ICE2: variants seen among roughly 807,000 people sequenced by gnomAD.
ICE2 encodes little elongation complex subunit 2.
Under a neutral mutation model 105.4 loss-of-function variants are expected in ICE2, and 87 were observed. The ratio of observed to expected loss-of-function variants is 0.83; its 90% CI spans 0.69 to 0.99. ICE2 has a LOEUF of 0.99. ICE2 is among the 50% of genes least tolerant of loss of function. The pLI, the probability that ICE2 is intolerant of heterozygous loss-of-function variation, is 0.00. For missense variants in ICE2, 1,323 were observed against 1,146.7 expected (o/e 1.15, Z -2.22); for synonymous variants, 399 against 392.0 (o/e 1.02, Z -0.21).
intron 13 of ICE2, among the ~76,000 whole-genome samples, chr15:60,434,506 GAAT>G (rs2063536496): frequency 7.0e-6 from 1 of 142,162 alleles, no homozygotes; most frequent in African/African-American, 2.7e-5. Flanking sequence ...ATGGATGAAT[GAAT>G]AAAATGTGAT....
chr15:60,433,411 T>C (rs1240126173), intron 13 of ICE2, among the ~76,000 whole-genome samples: 2 of 152,004 alleles, frequency 1.3e-5, no homozygotes, highest in Non-Finnish European at 2.9e-5. Flanking sequence ...AAAATTTCTT[T>C]AGTAGTTCTT....
chr15:60,434,771 G>C lies in ICE2; in HGVS notation c.2510+1372C>G, dbSNP rs114133171. Among the ~76,000 whole-genome samples the C allele has an allele frequency of 6.8e-3, 1,028 of 152,248 alleles. 8 individuals carry two copies. Among genetic ancestry groups the C allele is most frequent in the African/African-American group, 0.024 (996 of 41,540 alleles). ...AAGAGGCTGGGAAGGAAATGGATGG[G>C]AGAAATGAGAAGCTGGTTAAGGGAT... On this transcript the variant is annotated intron_variant, in intron 13 of 15. Transcript: ENST00000261520.
chr15:60,476,479 A>G (rs1405446590), intron 2 of ICE2, among the ~76,000 whole-genome samples: 1 of 152,228 alleles, frequency 6.6e-6, no homozygotes, highest in African/African-American at 2.4e-5. Context: ...ACTGAAGTAT[A>G]ATCAAGGGTC....
At chr15:60,465,561 C>T (rs2064399604) in intron 5 of ICE2, among the ~76,000 whole-genome samples, 2 of 151,842 alleles carry the variant, frequency 1.3e-5, no homozygotes. Context: ...TTTTTTTAAG[C>T]TACGGTAAAA....
In ICE2 at chr15:60,448,120, A is replaced by G; in HGVS notation, c.2145T>C (p.Tyr715=). 2.5e-6 allele frequency: 4 copies of G among 1,611,762 alleles called. No individual in the cohort carries two copies. Among genetic ancestry groups the G allele is most frequent in the South Asian group, 1.1e-5 (1 of 90,894 alleles). The change falls in exon 11 of 16, where the codon TAT becomes TAC. Residue 715 remains tyrosine (Y), a synonymous_variant. Coordinates refer to ENST00000261520, the MANE Select transcript of ICE2 (RefSeq NM_024611.6). The part of the protein sequence containing the change: ...KGRLPYELQD[Y]VEDTSEYLAP... The stretch of plus-strand genomic sequence containing the variant: ...CTAGGTATTCCGATGTATCTTCAAC[A>G]TAGTCCTGAAGTTCATATGGCAATC...
At chr15:60,423,788 T>C (rs747028025) in intron 15 of ICE2, 26 bp from the exon 16 acceptor site, 35 of 1,545,640 alleles carry the variant, frequency 2.3e-5, no homozygotes, top group Non-Finnish European at 3.0e-5. Flanking sequence ...GAGAACAGAA[T>C]AGCTTAATGT....
intron 4 of ICE2, among the ~76,000 whole-genome samples, chr15:60,467,158 T>G (rs1364951515): frequency 6.6e-6 from 1 of 152,172 alleles, no homozygotes; most frequent in East Asian, 1.9e-4. Flanking sequence ...AGATGGGGTT[T>G]CGCCATGTTG....
chr15:60,445,966 T>G (rs2063813716), intron 11 of ICE2, among the ~76,000 whole-genome samples: 1 of 152,176 alleles, frequency 6.6e-6, no homozygotes, highest in South Asian at 2.1e-4. Context: ...GGTTATTAAG[T>G]TTATTAGTTA....
At chr15:60,450,727 A>G (rs1263517520) in intron 9 of ICE2, among the ~76,000 whole-genome samples, 2 of 152,194 alleles carry the variant, frequency 1.3e-5, no homozygotes, top group Admixed American at 6.5e-5. Context: ...CATCTCTAAA[A>G]CAGGTACAGC....
At position 60,473,372 on chromosome 15, in the gene ICE2, G is replaced by C. The variant is rs546987943; in HGVS notation, c.146+2691C>G. Among the ~76,000 whole-genome samples the C allele has an allele frequency of 1.1e-4, 16 of 152,144 alleles. No individual in the cohort carries two copies. In the East Asian group the frequency reaches 2.9e-3, roughly 28 times the overall value. On this transcript the variant is annotated intron_variant, in intron 3 of 15. Transcript: ENST00000261520. Reference sequence around the variant, plus strand: ...AGTGGCGTCATCCTCGCTCACTGCAGCCTCAACCTCCCTGGACTCAGGTGA... The same window carrying C: ...AGTGGCGTCATCCTCGCTCACTGCACCCTCAACCTCCCTGGACTCAGGTGA...
rs74571193 is a variant in ICE2, at chr15:60,432,551, G to A, written c.2511-567C>T. On this transcript the variant is annotated intron_variant, in intron 13 of 15. Transcript: ENST00000261520. ...AATGTATTTGGCTTTTTGTGAGTCAGAGCAGTTGTAAAGAGATCACTATTT... is the reference window on the plus strand; with the variant it reads ...AATGTATTTGGCTTTTTGTGAGTCAAAGCAGTTGTAAAGAGATCACTATTT... Among the ~76,000 whole-genome samples, 3 of 151,718 alleles carry A rather than the reference G, an allele frequency of 2.0e-5. No homozygotes were observed. In the East Asian group the frequency reaches 5.8e-4, roughly 29 times the overall value.
rs1414839578 is a variant in ICE2 at position 60,420,246 on chromosome 15, A to G, written c.*3388T>C. 6.6e-6 allele frequency: 1 copy of G among 152,188 alleles called. No individual in the cohort carries two copies. Among genetic ancestry groups the G allele is most frequent in the Non-Finnish European group, 1.5e-5 (1 of 68,026 alleles). The allele number at this position is 152,188 out of a possible 1,614,324, so 9.4% of individuals were successfully genotyped here. On this transcript the variant is annotated 3_prime_UTR_variant, in exon 16 of 16. Transcript: ENST00000261520. ...ACACCATCATTTACTCAGTATCTCA[A>G]ATGAGAAACCCAGAAGCCATACTTT...
chr15:60,460,920 TAGGGTTTCTCA>T (rs1237366745), intron 5 of ICE2, among the ~76,000 whole-genome samples: 1 of 152,200 alleles, frequency 6.6e-6, no homozygotes, highest in East Asian at 1.9e-4. Flanking sequence ...CCCTTTAGAT[TAGGGTTTCTCA>T]ATGCAAGCAC....
rs2063258515 is a variant in ICE2 at position 60,422,812 on chromosome 15, C to G, written c.*822G>C. ...TGAGATCATGCCACTGCACTCCAGC[C>G]TGGGCAACAGAGCGAGACTCCATCT... On this transcript the variant is annotated 3_prime_UTR_variant, in exon 16 of 16. Transcript: ENST00000261520. 1 of 151,378 alleles carries G rather than the reference C, an allele frequency of 6.6e-6. No individual in the cohort carries two copies. Among genetic ancestry groups the G allele is most frequent in the South Asian group, 2.1e-4 (1 of 4,776 alleles). The allele number at this position is 151,378 out of a possible 1,614,324, so 9.4% of individuals were successfully genotyped here. A position where few individuals can be genotyped will look rare whatever the true frequency, so the allele number is the denominator to read the frequency against.
rs1266991213 is a variant in ICE2, at chr15:60,447,949, A to G, written c.2295+21T>C. The G allele has an allele frequency of 2.5e-6, 4 of 1,591,792 alleles. No homozygotes were observed. The Admixed American group carries it at 7.0e-5, about 28-fold the overall frequency. Reference sequence around the variant, plus strand: ...TGATTATTTATGTGATCATATTCTAACTCCGCAAATAACAACTTACTCTTC... The same window carrying G: ...TGATTATTTATGTGATCATATTCTAGCTCCGCAAATAACAACTTACTCTTC... On this transcript the variant is annotated intron_variant, in intron 11 of 15. Transcript: ENST00000261520.
chr15:60,443,457 G>A (rs1293616069), intron 11 of ICE2, among the ~76,000 whole-genome samples: 1 of 152,178 alleles, frequency 6.6e-6, no homozygotes, highest in African/African-American at 2.4e-5. Flanking sequence ...TGGTACAATG[G>A]TGGTGGTAAG....
chr15:60,476,879 A>G (rs927573617), intron 2 of ICE2, among the ~76,000 whole-genome samples: 1 of 152,232 alleles, frequency 6.6e-6, no homozygotes, highest in East Asian at 1.9e-4. Context: ...AAGGGCTACA[A>G]TATTGTGCAA....
At chr15:60,435,471 T>C (rs1411052184) in intron 13 of ICE2, among the ~76,000 whole-genome samples, 1 of 149,330 alleles carries the variant, frequency 6.7e-6, no homozygotes, top group African/African-American at 2.5e-5. Context: ...TGGTGGCGCA[T>C]GCCTGTAATC....
chr15:60,468,530 T>C (rs1464917564), intron 3 of ICE2, among the ~76,000 whole-genome samples: 5 of 152,226 alleles, frequency 3.3e-5, no homozygotes, highest in African/African-American at 9.6e-5. Flanking sequence ...AATGCAAACT[T>C]ACCTTCAATT....
Sources: gnomAD v4.1 joint callset for allele counts (sites outside exome capture counted in the v4.1 genomes callset) on GRCh38, gnomAD v4.1.1 for gene constraint, MANE v1.5 for transcripts, NCBI Gene and HGNC (gene_info 2026-07-23, HGNC 2026-07-21) for gene names.